SUPT3H: variants seen among roughly 807,000 people sequenced by gnomAD.
SUPT3H encodes SPT3 homolog, SAGA and STAGA complex component.
A neutral mutation model predicts 44.3 loss-of-function variants in SUPT3H; 44 were observed. The ratio of observed to expected loss-of-function variants is 0.99; its 90% confidence interval spans 0.78 to 1.28. The LOEUF is 1.28. Among genes scored for constraint, SUPT3H ranks in the 50% most tolerant of loss-of-function variants. The probability of loss-of-function intolerance (pLI) is 0.00; values close to 1 mark genes in which losing one functional copy is unlikely to be tolerated. For synonymous variants in SUPT3H, 124 were observed against 125.6 expected (o/e 0.99, Z 0.09); for missense variants, 380 against 387.1 (o/e 0.98, Z 0.15).
intron 10 of SUPT3H, among the ~76,000 whole-genome samples, chr6:44,888,635 T>G (rs749269706): frequency 6.6e-6 from 1 of 152,082 alleles, no homozygotes; most frequent in South Asian, 2.1e-4. Context: ...AAGAGCTATC[T>G]ATGACAAACC....
At chr6:45,029,343 G>GTATA (rs140292645) in intron 3 of SUPT3H, among the ~76,000 whole-genome samples, 27,236 of 146,164 alleles carry the variant, frequency 0.19, 2,780 homozygotes, top group East Asian at 0.38. Context: ...ATTTGTATGT[G>GTATA]TATATATATA....
intron 2 of SUPT3H, among the ~76,000 whole-genome samples, chr6:45,182,493 C>T (rs1326450930): frequency 2.6e-5 from 4 of 152,170 alleles, no homozygotes; most frequent in East Asian, 3.9e-4. Flanking sequence ...ATCTTCTGAC[C>T]TCAGGTGATC....
At chr6:45,225,009 T>C (rs1766696369) in intron 2 of SUPT3H, among the ~76,000 whole-genome samples, 1 of 152,070 alleles carries the variant, frequency 6.6e-6, no homozygotes, top group African/African-American at 2.4e-5. Flanking sequence ...CCAGGCGTGG[T>C]GACTCACACC....
chr6:44,977,085 A>C (rs1778441186), intron 6 of SUPT3H, among the ~76,000 whole-genome samples: 3 of 152,268 alleles, frequency 2.0e-5, no homozygotes, highest in Non-Finnish European at 4.4e-5. Context: ...CTAGTTCATA[A>C]GCAAGAAGCT....
chr6:44,899,802 C>G (rs62436369), intron 10 of SUPT3H, among the ~76,000 whole-genome samples: 32,462 of 152,104 alleles, frequency 0.21, 4,035 homozygotes, highest in Non-Finnish European at 0.29. Context: ...GTTATTCTTG[C>G]TCTCAAATGT....
chr6:45,046,322 GT>G (rs56990358), intron 3 of SUPT3H, among the ~76,000 whole-genome samples: 3 of 150,882 alleles, frequency 2.0e-5, no homozygotes, highest in Non-Finnish European at 3.0e-5. Flanking sequence ...CACACTGCTT[GT>G]TTTTTTTTGT....
intron 6 of SUPT3H, among the ~76,000 whole-genome samples, chr6:44,980,135 G>A (rs1455942060): frequency 6.6e-6 from 1 of 151,746 alleles, no homozygotes; most frequent in Non-Finnish European, 1.5e-5. Context: ...ATCTCCTCCA[G>A]TATCTGCTCT....
At chr6:45,271,903 TGA>T (rs1776241081) in intron 2 of SUPT3H, among the ~76,000 whole-genome samples, 1 of 152,172 alleles carries the variant, frequency 6.6e-6, no homozygotes, top group African/African-American at 2.4e-5. Context: ...GACCTGGATG[TGA>T]GACATGGGGT....
At chr6:45,158,297 T>TATATATATATATATATATATA (rs1808296824) in intron 2 of SUPT3H, among the ~76,000 whole-genome samples, 1 of 23,790 alleles carries the variant, frequency 4.2e-5, no homozygotes, top group African/African-American at 1.3e-4. Context: ...TATATATATA[T>TATATATATATATATATATATA]ATTTTTTTTT....
chr6:45,161,797 G>T (rs1018445087), intron 2 of SUPT3H, among the ~76,000 whole-genome samples: 1 of 152,184 alleles, frequency 6.6e-6, no homozygotes, highest in Non-Finnish European at 1.5e-5. Context: ...CACACAAGTA[G>T]ACATTTTATT....
At chr6:45,106,198 G>A (rs968990710) in intron 2 of SUPT3H, among the ~76,000 whole-genome samples, 192 bp from the exon 3 acceptor site, 6 of 152,172 alleles carry the variant, frequency 3.9e-5, no homozygotes, top group African/African-American at 4.8e-5. Context: ...TTGGGAGGCC[G>A]GAGCGGGAGG....
intron 10 of SUPT3H, among the ~76,000 whole-genome samples, chr6:44,885,333 C>G (rs1762078160): frequency 6.6e-6 from 1 of 152,192 alleles, no homozygotes; most frequent in Admixed American, 6.5e-5. Flanking sequence ...TCCCTGACAC[C>G]TGACCCCGAG....
chr6:44,900,383 C>T (rs562876372), intron 10 of SUPT3H, among the ~76,000 whole-genome samples: 131 of 152,368 alleles, frequency 8.6e-4, no homozygotes, highest in African/African-American at 2.9e-3. Context: ...ATATTCTGCG[C>T]CTGGCTCGGA....
intron 2 of SUPT3H, among the ~76,000 whole-genome samples, chr6:45,137,537 G>A (rs1804505005): frequency 6.6e-6 from 1 of 151,626 alleles, no homozygotes; most frequent in South Asian, 2.1e-4. Flanking sequence ...AAAAGAGAAG[G>A]AGAATATATA....
chr6:45,182,436 AT>A (rs1411803358), intron 2 of SUPT3H, among the ~76,000 whole-genome samples: 1 of 151,844 alleles, frequency 6.6e-6, no homozygotes, highest in Admixed American at 6.6e-5. Context: ...TAATTTTTGC[AT>A]TTTTAGTAGA....
At chr6:44,992,484 T>C (rs1223802288) in intron 6 of SUPT3H, among the ~76,000 whole-genome samples, 1 of 152,138 alleles carries the variant, frequency 6.6e-6, no homozygotes, top group East Asian at 1.9e-4. Flanking sequence ...TGGAAATAAA[T>C]AGCAATCATT....
chr6:45,191,015 AAAACT>A (rs1285182928), intron 2 of SUPT3H, among the ~76,000 whole-genome samples: 2 of 152,118 alleles, frequency 1.3e-5, no homozygotes, highest in Non-Finnish European at 2.9e-5. Flanking sequence ...AGTGTCTTAT[AAAACT>A]AAACATATTC....
At chr6:44,817,027 C>T (rs556968013) in intron 11 of SUPT3H, among the ~76,000 whole-genome samples, 112 of 152,226 alleles carry the variant, frequency 7.4e-4, no homozygotes, top group African/African-American at 2.4e-3. Context: ...TGCCACTGCA[C>T]TCCAGCTTGG....
At chr6:45,120,962 T>G (rs1352752683) in intron 2 of SUPT3H, among the ~76,000 whole-genome samples, 1 of 152,162 alleles carries the variant, frequency 6.6e-6, no homozygotes, top group African/African-American at 2.4e-5. Flanking sequence ...ATAGGTTAAC[T>G]TCATCATACT....
Sources: allele counts gnomAD v4.1 joint callset (sites outside exome capture counted in the v4.1 genomes callset), GRCh38; gene constraint gnomAD v4.1.1; transcripts MANE v1.5; gene names NCBI Gene and HGNC (gene_info 2026-07-23, HGNC 2026-07-21).